MRTFB: variants seen among roughly 807,000 people sequenced by gnomAD.
The protein encoded by MRTFB is myocardin-related transcription factor B.
Under a neutral mutation model 104.2 loss-of-function variants are expected in MRTFB, and 29 were observed. That is an observed-to-expected ratio of 0.28 (90% CI 0.21 to 0.38). MRTFB has a LOEUF of 0.38. Ranked by LOEUF, MRTFB falls within the 10% of genes least tolerant of loss-of-function variation. The pLI is 1.00. For synonymous variants in MRTFB, 535 were observed against 519.5 expected (o/e 1.03, Z -0.41); for missense variants, 1,270 against 1,341.6 (o/e 0.95, Z 0.83).
intron 2 of MRTFB, among the ~76,000 whole-genome samples, chr16:14,105,790 C>G (rs984851525): frequency 6.6e-6 from 1 of 152,146 alleles, no homozygotes; most frequent in East Asian, 1.9e-4. Context: ...GCTTTACTGT[C>G]ATTATTAAAG....
chr16:13,999,228 AGAGGCTTTCCTGGGTAGGAGAG>A, the MRTFB span, among the ~76,000 whole-genome samples: 3 of 151,546 alleles, frequency 2.0e-5, no homozygotes. Context: ...TTCTAACCTC[AGAGGCTTTCCTGGGTAGGAGAG>A]GATGAAACTG....
intron 3 of MRTFB, among the ~76,000 whole-genome samples, chr16:14,197,033 G>T (rs575399229): frequency 6.9e-5 from 9 of 130,156 alleles, no homozygotes; most frequent in Non-Finnish European, 1.1e-4. Flanking sequence ...GCAGTGTCGT[G>T]ATTGCGGCTC....
chr16:14,196,557 CCTAA>C (rs1413991217), intron 3 of MRTFB, among the ~76,000 whole-genome samples: 8 of 152,296 alleles, frequency 5.3e-5, no homozygotes, highest in Middle Eastern at 3.4e-3. Flanking sequence ...TGGTCTAGAG[CCTAA>C]CTTTTTTCAA....
the MRTFB span, among the ~76,000 whole-genome samples, chr16:13,998,505 G>C: frequency 3.0e-4 from 46 of 152,024 alleles, 1 homozygote; most frequent in Admixed American, 3.0e-3. Flanking sequence ...AATTAGCTGG[G>C]CATGAAGTTG....
chr16:14,068,572 T>A (rs1023719435), upstream of MRTFB, among the ~76,000 whole-genome samples: 1 of 152,110 alleles, frequency 6.6e-6, no homozygotes, highest in African/African-American at 2.4e-5. Context: ...TTGTTGTGTG[T>A]CGTTGCGTGT....
chr16:14,072,301 A>G lies in MRTFB; in HGVS notation c.-129+936A>G, dbSNP rs116763004. 5.0e-3 allele frequency among the ~76,000 whole-genome samples: 755 copies of G among 152,306 alleles called. 9 individuals carry two copies. Among genetic ancestry groups the G allele is most frequent in the African/African-American group, 0.017 (701 of 41,568 alleles). The stretch of plus-strand genomic sequence containing the variant: ...CCTACACACATCCTTGAAAAGCAGT[A>G]TGATGGTTTGATTGAAGCGTAAGGG... On this transcript the variant is annotated intron_variant, in intron 1 of 16. Coordinates refer to ENST00000571589, the MANE Select transcript of MRTFB (RefSeq NM_001308142.2).
intron 3 of MRTFB, chr16:14,187,087 G>A: frequency 2.0e-6 from 3 of 1,476,870 alleles, no homozygotes; most frequent in Non-Finnish European, 2.8e-6. Context: ...ATTCTGGTCA[G>A]CCAGCTGAGC....
the MRTFB span, among the ~76,000 whole-genome samples, chr16:14,000,897 C>T: frequency 6.6e-6 from 1 of 152,354 alleles, no homozygotes; most frequent in South Asian, 2.1e-4. Flanking sequence ...GTCTCTGAGC[C>T]TCAGTTTTCT....
chr16:14,175,505 A>G (rs2039551260), intron 3 of MRTFB, among the ~76,000 whole-genome samples: 1 of 152,238 alleles, frequency 6.6e-6, no homozygotes, highest in Non-Finnish European at 1.5e-5. Flanking sequence ...CATTATGGGC[A>G]GATGATTGCA....
chr16:14,156,084 T>C (rs2038817038), intron 3 of MRTFB, among the ~76,000 whole-genome samples: 1 of 152,210 alleles, frequency 6.6e-6, no homozygotes, highest in Non-Finnish European at 1.5e-5. Context: ...GTTAGGGCAA[T>C]TATGGGCTCA....
chr16:14,252,121 G>T, intron 14 of MRTFB, 98 bp downstream of exon 14: 1 of 1,366,720 alleles, frequency 7.3e-7, no homozygotes, highest in South Asian at 1.4e-5. Context: ...AATGTTAATG[G>T]GATAAAATTG....
the MRTFB span, chr16:14,018,920 A>T: frequency 6.6e-6 from 1 of 152,132 alleles, no homozygotes; most frequent in Non-Finnish European, 1.5e-5. Flanking sequence ...CCCTGTGGGC[A>T]TTTGAGTTTT....
In MRTFB at chr16:14,261,566, A is replaced by G; in HGVS notation, c.*122A>G. The G allele has an allele frequency of 9.6e-7, 1 of 1,042,612 alleles. No homozygotes were observed. The highest frequency in any genetic ancestry group is 1.4e-6 in the Non-Finnish European group (1 of 732,420). 64.6% of individuals were successfully genotyped at this position (1,042,612 alleles called of 1,614,324 possible). A position where few individuals can be genotyped will look rare whatever the true frequency, so the allele number is the denominator to read the frequency against. On this transcript the variant is annotated 3_prime_UTR_variant, in exon 17 of 17. Transcript: ENST00000571589. ...AATCAAAATATGTTGTCACAGAAAG[A>G]ATAGGTGGAAGGTCATAGCCTGGAA... is the stretch of plus-strand genomic sequence containing the variant.
intron 1 of MRTFB, among the ~76,000 whole-genome samples, chr16:14,072,984 A>G (rs996814819): frequency 6.6e-6 from 1 of 152,176 alleles, no homozygotes; most frequent in African/African-American, 2.4e-5. Context: ...TTTTTGGTTC[A>G]ATATCAGTAT....
intron 2 of MRTFB, among the ~76,000 whole-genome samples, chr16:14,085,330 G>A (rs531777143): frequency 3.9e-4 from 59 of 151,796 alleles, no homozygotes; most frequent in Non-Finnish European, 6.0e-4. Flanking sequence ...GGTGGCGGGC[G>A]CCTGTAATCC....
the MRTFB span, among the ~76,000 whole-genome samples, chr16:14,042,853 G>A: frequency 7.2e-5 from 11 of 152,170 alleles, no homozygotes; most frequent in South Asian, 8.3e-4. Flanking sequence ...TACCCCAGAC[G>A]GGAAATGTGT....
the MRTFB span, among the ~76,000 whole-genome samples, chr16:14,041,097 C>T: frequency 6.6e-6 from 1 of 151,634 alleles, no homozygotes; most frequent in Non-Finnish European, 1.5e-5. Flanking sequence ...GACACTGCTG[C>T]ACTCCTGCCT....
intron 2 of MRTFB, among the ~76,000 whole-genome samples, chr16:14,124,973 A>G (rs1053538332): frequency 6.6e-6 from 1 of 152,058 alleles, no homozygotes; most frequent in African/African-American, 2.4e-5. Flanking sequence ...TTGCTGGTGT[A>G]TAGGGTTGAA....
the MRTFB span, among the ~76,000 whole-genome samples, chr16:14,025,319 A>G: frequency 1.3e-5 from 2 of 152,312 alleles, no homozygotes; most frequent in South Asian, 4.1e-4. Flanking sequence ...TAGCTGGGAC[A>G]ATAGGCACGC....
Sources: gnomAD v4.1 joint callset for allele counts (sites outside exome capture counted in the v4.1 genomes callset) on GRCh38, gnomAD v4.1.1 for gene constraint, MANE v1.5 for transcripts, NCBI Gene and HGNC (gene_info 2026-07-23, HGNC 2026-07-21) for gene names.